ASAP2: variants seen among roughly 807,000 people sequenced by gnomAD.
ASAP2 encodes the protein arf-GAP with SH3 domain, ANK repeat and PH domain-containing protein 2.
ASAP2 carries 45 observed loss-of-function variants against 131.4 expected under a neutral mutation model. The observed-to-expected ratio is 0.34, with a 90% CI of 0.27 to 0.44. ASAP2 has a LOEUF of 0.44. ASAP2 is among the 20% of genes least tolerant of loss of function. The probability of loss-of-function intolerance (pLI) is 1.00; values close to 1 mark genes in which losing one functional copy is unlikely to be tolerated. For missense variants in ASAP2, 1,011 were observed against 1,297.0 expected (o/e 0.78, Z 3.39); for synonymous variants, 510 against 503.0 (o/e 1.01, Z -0.19).
intron 24 of ASAP2, among the ~76,000 whole-genome samples, chr2:9,398,193 A>G (rs1459195411): frequency 6.6e-6 from 1 of 151,976 alleles, no homozygotes; most frequent in African/African-American, 2.4e-5. Context: ...GCAGAGTTGA[A>G]TACTTGAAAC....
At chr2:9,351,168 C>T (rs989286403) in intron 12 of ASAP2, among the ~76,000 whole-genome samples, 1 of 152,142 alleles carries the variant, frequency 6.6e-6, no homozygotes, top group African/African-American at 2.4e-5. Context: ...CATTCCTGTT[C>T]CTAAATAGGG....
Position 9,327,885 on chromosome 2 carries a change from G to C in ASAP2, c.660G>C (p.Leu220=), listed in dbSNP as rs1670579620. Residue 220 remains leucine (L), a synonymous_variant, in exon 7 of 28, where the codon CTG becomes CTC. Transcript: ENST00000281419. ...IKKGVDLLQN[L]IKYFHAQCNF... ...AGGGAGTAGATTTACTTCAGAATCT[G>C]ATCAAATACTTTCATGCCCAATGCA... 1.3e-6 allele frequency: 2 copies of C among 1,583,490 alleles called. No individual in the cohort carries two copies. Among genetic ancestry groups the C allele is most frequent in the East Asian group, 4.7e-5 (2 of 42,982 alleles).
chr2:9,329,184 A>G (rs1169292049), intron 7 of ASAP2, among the ~76,000 whole-genome samples: 1 of 152,228 alleles, frequency 6.6e-6, no homozygotes, highest in Non-Finnish European at 1.5e-5. Context: ...GGCCAAGGTG[A>G]CATAAGCTCA....
At chr2:9,363,861 G>A (rs1040842269) in intron 15 of ASAP2, among the ~76,000 whole-genome samples, 13 of 152,112 alleles carry the variant, frequency 8.5e-5, no homozygotes, top group African/African-American at 3.1e-4. Context: ...GGCATGAACC[G>A]CCTGCAGCCT....
chr2:9,278,632 C>A (rs555562622), intron 1 of ASAP2, among the ~76,000 whole-genome samples: 28 of 152,326 alleles, frequency 1.8e-4, no homozygotes, highest in Admixed American at 1.7e-3. Context: ...TGTTTGAGCG[C>A]CTCCTATGTG....
intron 1 of ASAP2, among the ~76,000 whole-genome samples, chr2:9,220,616 T>C (rs1274706585): frequency 2.0e-5 from 3 of 152,240 alleles, no homozygotes; most frequent in Non-Finnish European, 4.4e-5. Flanking sequence ...AGATCAGATA[T>C]ATAATTTGCA....
chr2:9,311,710 C>T lies in ASAP2; in HGVS notation c.346-6814C>T, dbSNP rs555411050. Among the ~76,000 whole-genome samples, 6 of 152,310 alleles carry T rather than the reference C, an allele frequency of 3.9e-5. No homozygotes were observed. Among genetic ancestry groups the T allele is most frequent in the African/African-American group, 9.6e-5 (4 of 41,554 alleles). On this transcript the variant is annotated intron_variant, in intron 3 of 27. Transcript: ENST00000281419. The surrounding 1 kb of genome is among the most constrained non-coding windows in gnomAD (Gnocchi z 5.2). ...AACTCGAGGATGGCTCGTTCGGCTGCGGGCCTGAGGCTGCTGGACACACAG... is the reference window on the plus strand; with the variant it reads ...AACTCGAGGATGGCTCGTTCGGCTGTGGGCCTGAGGCTGCTGGACACACAG...
intron 17 of ASAP2, among the ~76,000 whole-genome samples, chr2:9,375,422 G>A (rs2715879): frequency 0.26 from 39,905 of 152,072 alleles, 5,444 homozygotes; most frequent in Middle Eastern, 0.37. Context: ...TTTTCAGTAG[G>A]AAAATAATTG....
chr2:9,355,669 C>T (rs1672651509), intron 12 of ASAP2, among the ~76,000 whole-genome samples: 1 of 152,192 alleles, frequency 6.6e-6, no homozygotes. Context: ...CAGAAAACTT[C>T]TAAGATATTC....
At chr2:9,212,045 C>G (rs1167399211) in intron 1 of ASAP2, among the ~76,000 whole-genome samples, 1 of 151,894 alleles carries the variant, frequency 6.6e-6, no homozygotes, top group Non-Finnish European at 1.5e-5. Context: ...CTCCCTGCCC[C>G]CTGGTGAATG....
At chr2:9,318,495 A>G in intron 3 of ASAP2, 29 bp from the exon 4 acceptor site, 1 of 1,526,474 alleles carries the variant, frequency 6.6e-7, no homozygotes, top group South Asian at 1.1e-5. Flanking sequence ...GAAGCTGAAT[A>G]AGAATCTCCT....
chr2:9,384,496 C>T (rs985162767), intron 20 of ASAP2, among the ~76,000 whole-genome samples: 11 of 152,256 alleles, frequency 7.2e-5, no homozygotes, highest in Admixed American at 5.9e-4. Context: ...TCTTCCACCC[C>T]AGACACCAGT....
intron 1 of ASAP2, among the ~76,000 whole-genome samples, chr2:9,278,710 A>G (rs1432368724): frequency 6.6e-6 from 1 of 152,166 alleles, no homozygotes; most frequent in African/African-American, 2.4e-5. Flanking sequence ...GCTGAATATT[A>G]TATATGAGAG....
At position 9,366,189 on chromosome 2, in the gene ASAP2, G is replaced by A. The variant is rs115593224; in HGVS notation, c.1462-2236G>A. 2.9e-3 allele frequency among the ~76,000 whole-genome samples: 441 copies of A among 152,188 alleles called. 3 individuals carry two copies. The highest frequency in any genetic ancestry group is 9.6e-3 in the African/African-American group (400 of 41,512). ...ACTTGGCAGAACTGCAAGGTAGCAC[G>A]TTTCTCTAGCATTGGATGAGTGTGA... On this transcript the variant is annotated intron_variant, in intron 15 of 27. Transcript: ENST00000281419.
intron 1 of ASAP2, among the ~76,000 whole-genome samples, chr2:9,229,407 C>T (rs543194950): frequency 2.6e-5 from 4 of 152,236 alleles, no homozygotes; most frequent in South Asian, 2.1e-4. Flanking sequence ...TTTCCCCTGT[C>T]GATGAACCAA....
chr2:9,337,559 G>T (rs984463589), intron 9 of ASAP2, among the ~76,000 whole-genome samples: 1 of 152,178 alleles, frequency 6.6e-6, no homozygotes, highest in Non-Finnish European at 1.5e-5. Context: ...AATAACAGTT[G>T]ATAGAAATTA....
At position 9,391,447 on chromosome 2, in the gene ASAP2, T is replaced by C. The variant is rs550406653; in HGVS notation, c.2518+251T>C. Among the ~76,000 whole-genome samples the C allele has an allele frequency of 5.3e-5, 8 of 152,298 alleles. No homozygotes were observed. In the South Asian group the frequency reaches 1.7e-3, roughly 32 times the overall value. On this transcript the variant is annotated intron_variant, in intron 23 of 27. Transcript: ENST00000281419. ...CTCCCTTCCTCTGTCTTCCAAAGCA[T>C]TTCAGCAACATTTCCTCCTTTACAC... is the stretch of plus-strand genomic sequence containing the variant.
At position 9,356,136 on chromosome 2, in the gene ASAP2, G is replaced by A. The variant is rs147986820; in HGVS notation, c.1160+41G>A. The stretch of plus-strand genomic sequence containing the variant: ...GTGGGACTTTGGGCTGGACTCAGCC[G>A]TTGTTTGTGGAATTTAACACAGCGT... On this transcript the variant is annotated intron_variant, in intron 13 of 27. Transcript: ENST00000281419. The A allele has an allele frequency of 2.5e-4, 410 of 1,614,120 alleles. 3 individuals are homozygous for A. In the African/African-American group the frequency reaches 4.6e-3, roughly 18 times the overall value.
chr2:9,390,225 C>T (rs1675614478), intron 22 of ASAP2, among the ~76,000 whole-genome samples: 1 of 152,204 alleles, frequency 6.6e-6, no homozygotes, highest in Non-Finnish European at 1.5e-5. Flanking sequence ...GTGTAGCCCA[C>T]ATGTGGTCTT....
Sources: allele counts gnomAD v4.1 joint callset (sites outside exome capture counted in the v4.1 genomes callset), GRCh38; gene constraint gnomAD v4.1.1; non-coding constraint Gnocchi (gnomAD v3.1); transcripts MANE v1.5; gene names NCBI Gene and HGNC (gene_info 2026-07-23, HGNC 2026-07-21).